The following UHRF2 variants were observed in gnomAD, a reference collection of about 807,000 sequenced individuals.
UHRF2 encodes E3 ubiquitin-protein ligase UHRF2.
UHRF2 carries 23 observed loss-of-function variants against 96.8 expected under a neutral mutation model. That is an observed-to-expected ratio of 0.24 (90% CI 0.17 to 0.34). UHRF2 has a LOEUF of 0.34. Ranked by LOEUF, UHRF2 falls within the 10% of genes least tolerant of loss-of-function variation. UHRF2 has a pLI of 1.00. For synonymous variants in UHRF2, 385 were observed against 332.6 expected, an observed-to-expected ratio of 1.16 and a Z score of -1.72; for missense variants, 685 against 981.5, an observed-to-expected ratio of 0.70 and a Z score of 4.04.
intron 1 of UHRF2, among the ~76,000 whole-genome samples, chr9:6,417,866 A>G (rs1819699151): frequency 6.6e-6 from 1 of 152,170 alleles, no homozygotes; most frequent in Non-Finnish European, 1.5e-5. Flanking sequence ...TTTAGTAGAA[A>G]CTAACCAGGA....
chr9:6,426,028 A>G (rs954374448), intron 2 of UHRF2, among the ~76,000 whole-genome samples: 5 of 152,206 alleles, frequency 3.3e-5, no homozygotes, highest in African/African-American at 7.2e-5. Context: ...TTGCTTTCAA[A>G]GGAGGGCCAG....
intron 8 of UHRF2, among the ~76,000 whole-genome samples, chr9:6,485,567 A>G (rs1346631067): frequency 2.7e-5 from 4 of 150,490 alleles, no homozygotes; most frequent in Non-Finnish European, 5.9e-5. Flanking sequence ...TGTTGCTGTC[A>G]CCTTCTTGTT....
chr9:6,440,094 G>C (rs1821077383), intron 3 of UHRF2, among the ~76,000 whole-genome samples: 1 of 152,006 alleles, frequency 6.6e-6, no homozygotes, highest in South Asian at 2.1e-4. Context: ...ACATTTTTAA[G>C]GGCCCTAAAC....
intron 1 of UHRF2, among the ~76,000 whole-genome samples, chr9:6,416,927 A>G (rs971199810): frequency 1.3e-5 from 2 of 152,174 alleles, no homozygotes; most frequent in African/African-American, 4.8e-5. Flanking sequence ...AATAGATAAC[A>G]ATGTGGGGCA....
At chr9:6,441,977 C>T (rs920783286) in intron 3 of UHRF2, among the ~76,000 whole-genome samples, 4 of 151,938 alleles carry the variant, frequency 2.6e-5, no homozygotes, top group African/African-American at 7.3e-5. Context: ...TTGACTGTTC[C>T]GAGATCTAAG....
chr9:6,415,919 A>G (rs1222532046), intron 1 of UHRF2, among the ~76,000 whole-genome samples: 1 of 152,234 alleles, frequency 6.6e-6, no homozygotes, highest in African/African-American at 2.4e-5. Context: ...TCTCAGGACC[A>G]GCAGCATTAG....
chr9:6,433,872 G>C lies in UHRF2; in HGVS notation c.385-42G>C, dbSNP rs148539129. On this transcript the variant is annotated intron_variant, in intron 2 of 15. Coordinates refer to ENST00000276893, the MANE Select transcript of UHRF2 (RefSeq NM_152896.3). ...TTACATTAAGGTTTTTGAAGCAGTA[G>C]ACAAAATTAAGCTTCATTAACTGAT... 3.9e-5 allele frequency: 62 copies of C among 1,575,624 alleles called. No homozygotes were observed. The African/African-American group carries it at 7.2e-4, about 18-fold the overall frequency.
chr9:6,429,195 T>A (rs1208355877), intron 2 of UHRF2, among the ~76,000 whole-genome samples: 1 of 151,342 alleles, frequency 6.6e-6, no homozygotes, highest in Non-Finnish European at 1.5e-5. Context: ...GATGGTACAA[T>A]GAGAGAACAA....
At chr9:6,427,846 A>G (rs1820346713) in intron 2 of UHRF2, among the ~76,000 whole-genome samples, 5 of 152,238 alleles carry the variant, frequency 3.3e-5, no homozygotes, top group Admixed American at 3.3e-4. Flanking sequence ...AAGATTGTAC[A>G]GAGGCTGGGT....
chr9:6,430,127 C>G (rs996844639), intron 2 of UHRF2, among the ~76,000 whole-genome samples: 2 of 152,234 alleles, frequency 1.3e-5, no homozygotes, highest in African/African-American at 4.8e-5. Flanking sequence ...TGTCCTGCCT[C>G]AGCCTCCCAA....
At chr9:6,484,403 T>TC (rs1201491968) in intron 8 of UHRF2, among the ~76,000 whole-genome samples, 10 of 148,090 alleles carry the variant, frequency 6.8e-5, no homozygotes, top group Admixed American at 1.3e-4. Flanking sequence ...CTCCTCCTCC[T>TC]CCTCCTCCCT....
At chr9:6,451,846 C>T (rs1021071827) in intron 3 of UHRF2, among the ~76,000 whole-genome samples, 3 of 151,484 alleles carry the variant, frequency 2.0e-5, no homozygotes, top group Admixed American at 6.6e-5. Flanking sequence ...TGCAGTGGCA[C>T]GATCTGGGCT....
chr9:6,490,048 G>C (rs1404803300), intron 9 of UHRF2, among the ~76,000 whole-genome samples: 1 of 152,132 alleles, frequency 6.6e-6, no homozygotes, highest in East Asian at 1.9e-4. Flanking sequence ...GTTTATTACA[G>C]TCAGCTCTTG....
At chr9:6,505,556 C>T (rs1052300108) in intron 15 of UHRF2, among the ~76,000 whole-genome samples, 1 of 152,244 alleles carries the variant, frequency 6.6e-6, no homozygotes, top group African/African-American at 2.4e-5. Context: ...CTCAGCCTCC[C>T]AGAGTACTGG....
intron 14 of UHRF2, among the ~76,000 whole-genome samples, chr9:6,501,175 TAATC>T (rs1816271553): frequency 6.6e-6 from 1 of 152,208 alleles, no homozygotes; most frequent in African/African-American, 2.4e-5. Flanking sequence ...ATCTTTAAAT[TAATC>T]ACATAATTTT....
chr9:6,506,267 C>G lies in UHRF2; in HGVS notation c.*88C>G. ...TGGGGAGGGTGGAAGAAATGGTGGA[C>G]TGTATCTCTCACGTTCTGAAGCAGC... On this transcript the variant is annotated 3_prime_UTR_variant, in exon 16 of 16. Coordinates refer to ENST00000276893, the MANE Select transcript of UHRF2 (RefSeq NM_152896.3). 1 of 1,525,352 alleles carries G rather than the reference C, an allele frequency of 6.6e-7. No homozygotes were observed. The highest frequency in any genetic ancestry group is 8.9e-7 in the Non-Finnish European group (1 of 1,122,338). 94.5% of individuals were successfully genotyped at this position (1,525,352 alleles called of 1,614,324 possible). A position where few individuals can be genotyped will look rare whatever the true frequency, so the allele number is the denominator to read the frequency against.
chr9:6,447,023 G>C (rs764125623), intron 3 of UHRF2, among the ~76,000 whole-genome samples: 50 of 151,882 alleles, frequency 3.3e-4, no homozygotes, highest in Admixed American at 5.9e-4. Flanking sequence ...CAAGTAGCTG[G>C]GACCACAGGT....
At chr9:6,444,759 C>T (rs1245645124) in intron 3 of UHRF2, among the ~76,000 whole-genome samples, 1 of 152,044 alleles carries the variant, frequency 6.6e-6, no homozygotes, top group African/African-American at 2.4e-5. Context: ...CCCACTACCA[C>T]GCCTGCCTAA....
intron 3 of UHRF2, among the ~76,000 whole-genome samples, chr9:6,442,046 A>C (rs771556073): frequency 1.3e-5 from 2 of 152,092 alleles, no homozygotes; most frequent in East Asian, 3.9e-4. Flanking sequence ...GCTCACTGCA[A>C]CCTCTGCCTC....
Sources: gnomAD v4.1 joint callset for allele counts (sites outside exome capture counted in the v4.1 genomes callset) on GRCh38, gnomAD v4.1.1 for gene constraint, MANE v1.5 for transcripts, NCBI Gene and HGNC (gene_info 2026-07-23, HGNC 2026-07-21) for gene names.